Variants in SUPT3H observed in about 807,000 individuals in gnomAD.
SUPT3H encodes the protein SPT3 homolog, SAGA and STAGA complex component, also known as transcription initiation protein SPT3 homolog.
Under a neutral mutation model 44.3 loss-of-function variants are expected in SUPT3H, and 44 were observed. The observed-to-expected ratio is 0.99, with a 90% CI of 0.78 to 1.28. The LOEUF is 1.28. Among genes scored for constraint, SUPT3H ranks in the 50% most tolerant of loss-of-function variants. The pLI, the probability that SUPT3H is intolerant of heterozygous loss-of-function variation, is 0.00. For missense variants in SUPT3H, 380 were observed against 387.1 expected (o/e 0.98, Z 0.15); for synonymous variants, 124 against 125.6 (o/e 0.99, Z 0.09).
At chr6:45,054,234 C>T (rs1226328935) in intron 3 of SUPT3H, among the ~76,000 whole-genome samples, 1 of 152,088 alleles carries the variant, frequency 6.6e-6, no homozygotes, top group African/African-American at 2.4e-5. Context: ...CCTTCTCCTA[C>T]CCTTCTCCCC....
At chr6:44,937,701 G>T (rs1582618567) in intron 9 of SUPT3H, among the ~76,000 whole-genome samples, 1 of 151,996 alleles carries the variant, frequency 6.6e-6, no homozygotes, top group African/African-American at 2.4e-5. Context: ...TTCTTTATAT[G>T]CCTGTTGGCC....
chr6:45,001,321 T>C lies in SUPT3H; in HGVS notation c.504+2332A>G, dbSNP rs1366146171. 3.9e-5 allele frequency among the ~76,000 whole-genome samples: 6 copies of C among 152,208 alleles called. No homozygotes were observed. In the East Asian group the frequency reaches 9.7e-4, roughly 25 times the overall value. On this transcript the variant is annotated intron_variant, in intron 6 of 10. Coordinates refer to ENST00000371459, the MANE Select transcript of SUPT3H (RefSeq NM_003599.4). Reference sequence around the variant, plus strand: ...TATTTGATCATTTAAAAGGATGTTCTGAGATCATGGATCTCTACTATAGGT... The same window carrying C: ...TATTTGATCATTTAAAAGGATGTTCCGAGATCATGGATCTCTACTATAGGT...
chr6:45,062,467 C>A (rs1008661828), intron 3 of SUPT3H, among the ~76,000 whole-genome samples: 2 of 151,894 alleles, frequency 1.3e-5, no homozygotes, highest in African/African-American at 2.4e-5. Flanking sequence ...GCCAAGATGG[C>A]CGAATAGGAA....
At chr6:45,295,524 CAAA>C (rs752887669) in intron 2 of SUPT3H, among the ~76,000 whole-genome samples, 695 of 39,852 alleles carry the variant, frequency 0.017, 5 homozygotes, top group South Asian at 0.038. Flanking sequence ...TTTTGCACAG[CAAA>C]AAAAAAAAAA....
intron 7 of SUPT3H, among the ~76,000 whole-genome samples, chr6:44,960,332 CAGG>C (rs547229274): frequency 9.6e-5 from 14 of 145,126 alleles, no homozygotes; most frequent in East Asian, 4.0e-4. Context: ...CACTTGAACC[CAGG>C]AGGAGGAGGA....
intron 2 of SUPT3H, among the ~76,000 whole-genome samples, chr6:45,171,630 T>A (rs921390079): frequency 6.6e-6 from 1 of 150,790 alleles, no homozygotes; most frequent in Admixed American, 6.6e-5. Context: ...TCTTATGTAA[T>A]ATCAACACCT....
intron 4 of SUPT3H, among the ~76,000 whole-genome samples, chr6:45,018,274 T>C (rs907649523): frequency 1.4e-4 from 21 of 152,180 alleles, no homozygotes; most frequent in Middle Eastern, 3.4e-3. Context: ...TCTAGATATA[T>C]AATCATGTCG....
chr6:45,244,341 A>G (rs1459890307), intron 2 of SUPT3H, among the ~76,000 whole-genome samples: 2 of 152,234 alleles, frequency 1.3e-5, no homozygotes, highest in Non-Finnish European at 2.9e-5. Flanking sequence ...AGCTGCATAT[A>G]AAGATAAAAC....
chr6:44,946,921 A>C lies in SUPT3H; in HGVS notation c.801+6389T>G, dbSNP rs866428376. Among the ~76,000 whole-genome samples, 8 of 152,272 alleles carry C rather than the reference A, an allele frequency of 5.3e-5. No individual in the cohort carries two copies. In the South Asian group the frequency reaches 1.7e-3, roughly 32 times the overall value. On this transcript the variant is annotated intron_variant, in intron 9 of 10. Transcript: ENST00000371459. ...CTTTCAAGAAAGGAAGAGTCAATCA[A>C]TGTGGCAAACTTCACACTGTTGTCC...
At chr6:44,904,367 C>T (rs1765629275) in intron 10 of SUPT3H, among the ~76,000 whole-genome samples, 2 of 152,150 alleles carry the variant, frequency 1.3e-5, no homozygotes, top group East Asian at 3.9e-4. Context: ...CATTCTTATA[C>T]ACCAATAACA....
intron 6 of SUPT3H, among the ~76,000 whole-genome samples, chr6:44,968,355 A>G (rs1190558233): frequency 6.6e-6 from 1 of 152,204 alleles, no homozygotes; most frequent in East Asian, 1.9e-4. Context: ...TTGCAGAAGG[A>G]TAATATTAAC....
chr6:44,833,425 C>T (rs185517971), intron 10 of SUPT3H, among the ~76,000 whole-genome samples: 248 of 152,230 alleles, frequency 1.6e-3, no homozygotes, highest in African/African-American at 5.7e-3. Flanking sequence ...TCCAGTTTCA[C>T]ATTCAAGTTT....
intron 10 of SUPT3H, among the ~76,000 whole-genome samples, chr6:44,915,473 T>C (rs1215306331): frequency 6.6e-6 from 1 of 152,178 alleles, no homozygotes; most frequent in Non-Finnish European, 1.5e-5. Flanking sequence ...ACCATCTGAA[T>C]GGACTTTCTC....
rs146105620 is a variant in SUPT3H, at chr6:45,372,894, T to C, written c.-1+4874A>G. Among the ~76,000 whole-genome samples the C allele has an allele frequency of 3.9e-3, 593 of 152,250 alleles. 7 individuals are homozygous for C. The highest frequency in any genetic ancestry group is 0.014 in the African/African-American group (565 of 41,556). ...GTGTAATGGCACAATCTTGGCTCAC[T>C]GCAACCTCCGCCTCCAGGGTTCAAG... is the stretch of plus-strand genomic sequence containing the variant. On this transcript the variant is annotated intron_variant, in intron 1 of 10. Coordinates refer to ENST00000371459, the MANE Select transcript of SUPT3H (RefSeq NM_003599.4).
chr6:45,191,582 A>T (rs183282673), intron 2 of SUPT3H, among the ~76,000 whole-genome samples: 2,667 of 152,216 alleles, frequency 0.018, 50 homozygotes, highest in South Asian at 0.084. Flanking sequence ...TAACATATCA[A>T]TATTGGCTCA....
chr6:45,030,788 A>C (rs1786795274), intron 3 of SUPT3H, among the ~76,000 whole-genome samples: 1 of 152,152 alleles, frequency 6.6e-6, no homozygotes, highest in African/African-American at 2.4e-5. Flanking sequence ...CAACTTTATA[A>C]TTTTGTCTTT....
chr6:44,947,953 C>T (rs1455443854), intron 9 of SUPT3H, among the ~76,000 whole-genome samples: 1 of 152,130 alleles, frequency 6.6e-6, no homozygotes, highest in Non-Finnish European at 1.5e-5. Flanking sequence ...TCTTAGGACA[C>T]AGGCAATAAA....
At chr6:44,869,340 G>C (rs1775988423) in intron 10 of SUPT3H, among the ~76,000 whole-genome samples, 1 of 152,006 alleles carries the variant, frequency 6.6e-6, no homozygotes, top group African/African-American at 2.4e-5. Context: ...CATTTCAAGG[G>C]ACTCGAGAAA....
chr6:45,111,518 T>A lies in SUPT3H; in HGVS notation c.102-5512A>T, dbSNP rs186269849. Among the ~76,000 whole-genome samples, 342 of 148,268 alleles carry A rather than the reference T, an allele frequency of 2.3e-3. 1 individual carries two copies. Among genetic ancestry groups the A allele is most frequent in the African/African-American group, 7.8e-3 (311 of 40,094 alleles). On this transcript the variant is annotated intron_variant, in intron 2 of 10. Coordinates refer to ENST00000371459, the MANE Select transcript of SUPT3H (RefSeq NM_003599.4). ...TAGTACTAGAAGGTCATGGCATACATTCCCCCCTCCCTCCCCCCCGCAAAA... is the reference window on the plus strand; with the variant it reads ...TAGTACTAGAAGGTCATGGCATACAATCCCCCCTCCCTCCCCCCCGCAAAA...
Sources: gnomAD v4.1 joint callset for allele counts (sites outside exome capture counted in the v4.1 genomes callset) on GRCh38, gnomAD v4.1.1 for gene constraint, MANE v1.5 for transcripts, NCBI Gene and HGNC (gene_info 2026-07-23, HGNC 2026-07-21) for gene names.